The following NENF variants were observed in gnomAD, a reference collection of about 807,000 sequenced individuals.
NENF encodes neudesin neurotrophic factor, also known as neudesin.
NENF carries 6 observed loss-of-function variants against 14.8 expected under a neutral mutation model. That is an observed-to-expected ratio of 0.40 (90% CI 0.22 to 0.80). The LOEUF is 0.80. Ranked by LOEUF, NENF falls within the 30% of genes least tolerant of loss-of-function variation. The pLI, the probability that NENF is intolerant of heterozygous loss-of-function variation, is 0.34. For synonymous variants in NENF, 76 were observed against 95.1 expected, an observed-to-expected ratio of 0.80 and a Z score of 1.17; for missense variants, 184 against 212.7, an observed-to-expected ratio of 0.87 and a Z score of 0.84.
In NENF at chr1:212,433,530, G is replaced by C. The variant is rs1662555752; in HGVS notation, c.177+410G>C. On this transcript the variant is annotated intron_variant, in intron 1 of 3. Coordinates refer to ENST00000366988, the MANE Select transcript of NENF (RefSeq NM_013349.5). This position sits in a 1 kb window ranked among gnomAD's most constrained non-coding sequence, Gnocchi z 5.5. ...GGGAGGGAAGCAGAGCCTGCTCCCT[G>C]GGTTAGGTGGGAATTGAGACAGGTC... Among the ~76,000 whole-genome samples, 2 of 152,006 alleles carry C rather than the reference G, an allele frequency of 1.3e-5. No homozygotes were observed. The highest frequency in any genetic ancestry group is 4.8e-5 in the African/African-American group (2 of 41,406).
At chr1:212,434,024 C>A (rs1662565431) in intron 1 of NENF, among the ~76,000 whole-genome samples, 1 of 152,154 alleles carries the variant, frequency 6.6e-6, no homozygotes, top group South Asian at 2.1e-4. Context: ...TTTTCAAAAC[C>A]CTCTGGCCTG....
chr1:212,435,338 A>G (rs1296966646), intron 1 of NENF, among the ~76,000 whole-genome samples: 2 of 152,162 alleles, frequency 1.3e-5, no homozygotes, highest in African/African-American at 4.8e-5. Flanking sequence ...AAAAGTCTGC[A>G]TATAACTTTT....
At chr1:212,436,535 C>A (rs2102567114) in intron 1 of NENF, among the ~76,000 whole-genome samples, 1 of 152,186 alleles carries the variant, frequency 6.6e-6, no homozygotes, top group East Asian at 1.9e-4. Context: ...GTCTTGGACT[C>A]CTGACCTCGT....
At position 212,445,980 on chromosome 1, in the gene NENF, C is replaced by T. The variant is rs1306763480; in HGVS notation, c.493C>T (p.His165Tyr). 1 of 1,614,184 alleles carries T rather than the reference C, an allele frequency of 6.2e-7. No homozygotes were observed. The highest frequency in any genetic ancestry group is 1.7e-5 in the Admixed American group (1 of 60,026). ...GGACTTCAAGCCTGAAGACCAGCCC[C>T]ATTTTGACATCAAGGATGAGTTCTG... ...NLDFKPEDQP[H>Y]FDIKDEF Residue 165 changes from histidine (H) to tyrosine (Y), a missense_variant, in exon 4 of 4, where the codon CAT becomes TAT. Transcript: ENST00000366988.
At position 212,444,334 on chromosome 1, in the gene NENF, TAC is replaced by T; in HGVS notation, c.239-3_239-2del. ...CTTACGTCTCTTCCTTCCTTCCCAC[TAC>T]AGAGTTTTATGGACGAGGAGCCCCC... On this transcript the variant is annotated splice_region_variant and splice_polypyrimidine_tract_variant and intron_variant, in intron 2 of 3. Coordinates refer to ENST00000366988, the MANE Select transcript of NENF (RefSeq NM_013349.5). The T allele has an allele frequency of 6.3e-7, 1 of 1,586,298 alleles. No individual in the cohort carries two copies. The highest frequency in any genetic ancestry group is 1.4e-5 in the African/African-American group (1 of 73,790).
At chr1:212,444,493 C>T in intron 3 of NENF, 51 bp downstream of exon 3, 1 of 1,171,850 alleles carries the variant, frequency 8.5e-7, no homozygotes, top group Non-Finnish European at 1.2e-6. Flanking sequence ...TTGTCCATGC[C>T]TTTTTCTCTT....
intron 2 of NENF, among the ~76,000 whole-genome samples, chr1:212,443,437 G>A (rs896226119): frequency 2.0e-5 from 3 of 151,894 alleles, no homozygotes; most frequent in East Asian, 3.9e-4. Context: ...AGACAGTCTC[G>A]CTCTGTCGCC....
Position 212,433,126 on chromosome 1 carries a change from C to CG in NENF, c.177+11dup, listed in dbSNP as rs1360580052. On this transcript the variant is annotated splice_region_variant and intron_variant, in intron 1 of 3. Coordinates refer to ENST00000366988, the MANE Select transcript of NENF (RefSeq NM_013349.5). The surrounding 1 kb of genome is among the most constrained non-coding windows in gnomAD (Gnocchi z 5.5). ...CCCGCTATGGCGGGGAGGAGGTAGG[C>CG]GGGGGTGTCGCGGGCCGAGGGACCC... is the stretch of plus-strand genomic sequence containing the variant. The CG allele has an allele frequency of 8.4e-7, 1 of 1,184,848 alleles. No homozygotes were observed. Among genetic ancestry groups the CG allele is most frequent in the East Asian group, 3.6e-5 (1 of 27,868 alleles). The allele number at this position is 1,184,848 out of a possible 1,614,324, so 73.4% of individuals were successfully genotyped here.
intron 1 of NENF, among the ~76,000 whole-genome samples, chr1:212,441,569 G>C (rs888654225): frequency 3.3e-5 from 5 of 152,290 alleles, no homozygotes; most frequent in Middle Eastern, 3.4e-3. Context: ...TGGATCACCT[G>C]AGGTCAGGAG....
chr1:212,438,597 T>C (rs973666931), intron 1 of NENF, among the ~76,000 whole-genome samples: 2 of 151,902 alleles, frequency 1.3e-5, no homozygotes, highest in Non-Finnish European at 2.9e-5. Context: ...TTTTGTTTTG[T>C]TTTGCGTGTG....
At chr1:212,439,605 A>T (rs1424758921) in intron 1 of NENF, among the ~76,000 whole-genome samples, 3 of 147,956 alleles carry the variant, frequency 2.0e-5, no homozygotes, top group African/African-American at 7.5e-5. Flanking sequence ...ACACATTGAG[A>T]GGTCAAGGCA....
At chr1:212,438,617 ATTTTTTTTT>A (rs757959823) in intron 1 of NENF, among the ~76,000 whole-genome samples, 1 of 124,908 alleles carries the variant, frequency 8.0e-6, no homozygotes, top group Non-Finnish European at 1.7e-5. Flanking sequence ...GTGTGTCTGT[ATTTTTTTTT>A]TTTTTTTTTT....
intron 1 of NENF, among the ~76,000 whole-genome samples, chr1:212,438,558 T>A (rs756316477): frequency 1.1e-4 from 17 of 152,150 alleles, no homozygotes; most frequent in Non-Finnish European, 2.5e-4. Context: ...AGTCTCACTC[T>A]GTCACCCAGG....
At chr1:212,436,085 G>C (rs776922602) in intron 1 of NENF, among the ~76,000 whole-genome samples, 1 of 152,080 alleles carries the variant, frequency 6.6e-6, no homozygotes, top group African/African-American at 2.4e-5. Flanking sequence ...CTATCTCAGG[G>C]GTGGCAGAGG....
At chr1:212,435,613 A>G (rs1662591751) in intron 1 of NENF, among the ~76,000 whole-genome samples, 3 of 150,902 alleles carry the variant, frequency 2.0e-5, no homozygotes, top group African/African-American at 7.3e-5. Context: ...AGTGGCAGGA[A>G]CACAGCTCAC....
intron 1 of NENF, among the ~76,000 whole-genome samples, chr1:212,442,296 G>A (rs1425738006): frequency 6.6e-6 from 1 of 152,260 alleles, no homozygotes; most frequent in African/African-American, 2.4e-5. Flanking sequence ...ACAGGCGTGA[G>A]TCACTGTGCC....
intron 1 of NENF, among the ~76,000 whole-genome samples, chr1:212,435,380 G>A (rs1418573674): frequency 2.0e-5 from 3 of 151,876 alleles, no homozygotes; most frequent in Non-Finnish European, 4.4e-5. Flanking sequence ...TTGCTGTGTC[G>A]CCCAGAATGG....
At position 212,433,141 on chromosome 1, in the gene NENF, C is replaced by T. The variant is rs1376851103; in HGVS notation, c.177+21C>T. The T allele has an allele frequency of 1.3e-4, 146 of 1,167,332 alleles. 3 individuals are homozygous for T. The South Asian group carries it at 5.6e-3, about 45-fold the overall frequency. 72.3% of individuals were successfully genotyped at this position (1,167,332 alleles called of 1,614,324 possible). The stretch of plus-strand genomic sequence containing the variant: ...AGGAGGTAGGCGGGGGTGTCGCGGG[C>T]CGAGGGACCCGGGGTGGCGTCCGAT... On this transcript the variant is annotated intron_variant, in intron 1 of 3. Coordinates refer to ENST00000366988, the MANE Select transcript of NENF (RefSeq NM_013349.5). The surrounding 1 kb of genome is among the most constrained non-coding windows in gnomAD (Gnocchi z 5.5).
intron 1 of NENF, among the ~76,000 whole-genome samples, chr1:212,439,733 G>T (rs576862483): frequency 2.7e-4 from 40 of 147,628 alleles, no homozygotes; most frequent in African/African-American, 8.8e-4. Flanking sequence ...GGTGACACAC[G>T]TCTGTAATCC....
Sources: allele counts gnomAD v4.1 joint callset (sites outside exome capture counted in the v4.1 genomes callset), GRCh38; gene constraint gnomAD v4.1.1; non-coding constraint Gnocchi (gnomAD v3.1); transcripts MANE v1.5; gene names NCBI Gene and HGNC (gene_info 2026-07-23, HGNC 2026-07-21).